Variants in TTC23 observed in about 807,000 individuals in gnomAD.
TTC23 encodes the protein tetratricopeptide repeat domain 23, also known as tetratricopeptide repeat protein 23.
Under a neutral mutation model 55.1 loss-of-function variants are expected in TTC23, and 58 were observed. That is an observed-to-expected ratio of 1.05 (90% CI 0.85 to 1.31). The LOEUF (loss-of-function observed/expected upper bound fraction) is 1.31, where lower values mean the gene tolerates loss of function less well. Among genes scored for constraint, TTC23 ranks in the 50% most tolerant of loss-of-function variants. The probability of loss-of-function intolerance (pLI) is 0.00; values close to 1 mark genes in which losing one functional copy is unlikely to be tolerated. For synonymous variants in TTC23, 203 were observed against 199.9 expected, an observed-to-expected ratio of 1.02 and a Z score of -0.13; for missense variants, 516 against 534.4, an observed-to-expected ratio of 0.97 and a Z score of 0.34.
At chr15:99,213,038 G>A (rs2077174491) in intron 8 of TTC23, among the ~76,000 whole-genome samples, 2 of 148,334 alleles carry the variant, frequency 1.3e-5, no homozygotes, top group African/African-American at 5.0e-5. Context: ...AGCGCTGCCT[G>A]AGAAATTATC....
intron 10 of TTC23, among the ~76,000 whole-genome samples, chr15:99,163,260 G>A (rs892698495): frequency 1.3e-5 from 2 of 152,192 alleles, no homozygotes; most frequent in Non-Finnish European, 2.9e-5. Context: ...TGATGAGAAG[G>A]ATTTTGCCTG....
intron 1 of TTC23, among the ~76,000 whole-genome samples, chr15:99,245,963 T>C (rs2080208317): frequency 6.6e-6 from 1 of 151,784 alleles, no homozygotes. Flanking sequence ...GGATTACAGG[T>C]GCCTACCACC....
At position 99,175,063 on chromosome 15, in the gene TTC23, T is replaced by C. The variant is rs763474814; in HGVS notation, c.852A>G (p.Arg284=). ...IVAHAAVASG[R]HEHHDVAEQY... Reference sequence around the variant, plus strand: ...GATTCTTCTCACCATGGTGCTCGTGTCTCCCTGAAGCGACAGCAGCATGGG... The same window carrying C: ...GATTCTTCTCACCATGGTGCTCGTGCCTCCCTGAAGCGACAGCAGCATGGG... Residue 284 remains arginine (R), a synonymous_variant, in exon 10 of 14, where the codon AGA becomes AGG. Coordinates refer to ENST00000394132, the MANE Select transcript of TTC23 (RefSeq NM_001288615.3). 6.2e-7 allele frequency: 1 copy of C among 1,613,938 alleles called. No individual in the cohort carries two copies. The highest frequency in any genetic ancestry group is 1.7e-5 in the Admixed American group (1 of 60,008).
At chr15:99,161,169 T>TATAC (rs2071329630) in intron 11 of TTC23, 1 of 151,812 alleles carries the variant, frequency 6.6e-6, no homozygotes. Flanking sequence ...CGATTGTATA[T>TATAC]ATATATATGT....
chr15:99,199,979 T>C lies in TTC23; in HGVS notation c.699A>G (p.Glu233=). 1 of 1,614,028 alleles carries C rather than the reference T, an allele frequency of 6.2e-7. No homozygotes were observed. The highest frequency in any genetic ancestry group is 8.5e-7 in the Non-Finnish European group (1 of 1,179,976). The change falls in exon 9 of 14, where the codon GAA becomes GAG. Residue 233 remains glutamate, a synonymous_variant. Transcript: ENST00000394132. ...TSRECVPILR[E]LAGVEQALGL... ...CCAGGGCTTGCTCTACACCTGCTAA[T>C]TCTCTCAATATGGGTACACACTCAC...
At chr15:99,142,803 C>T (rs1354755914) in intron 12 of TTC23, among the ~76,000 whole-genome samples, 1 of 152,170 alleles carries the variant, frequency 6.6e-6, no homozygotes, top group African/African-American at 2.4e-5. Context: ...CGTGTGCTCA[C>T]CATTTTCCCT....
intron 12 of TTC23, chr15:99,140,644 A>G (rs782327845): frequency 5.9e-5 from 9 of 152,222 alleles, no homozygotes; most frequent in Non-Finnish European, 1.0e-4. Flanking sequence ...TGCGGGGATT[A>G]TAGGAGTGAG....
At chr15:99,151,928 A>G (rs538708815) in intron 12 of TTC23, among the ~76,000 whole-genome samples, 80 of 152,188 alleles carry the variant, frequency 5.3e-4, no homozygotes, top group Non-Finnish European at 9.6e-4. Context: ...CGTCTCTCTC[A>G]GCCTCAGTTT....
In TTC23 at chr15:99,249,380, C is replaced by T. The variant is rs1319820715; in HGVS notation, c.-640G>A. ...CCAATCTCCAACTATGTCGTAAAAT[C>T]CCTTGCCAGTTTACCCAGTCTGCTG... On this transcript the variant is annotated 5_prime_UTR_variant, in exon 1 of 14. Coordinates refer to ENST00000394132, the MANE Select transcript of TTC23 (RefSeq NM_001288615.3). 6.6e-6 allele frequency: 1 copy of T among 152,180 alleles called. No individual in the cohort carries two copies. The highest frequency in any genetic ancestry group is 1.5e-5 in the Non-Finnish European group (1 of 68,030). The allele number at this position is 152,180 out of a possible 1,614,324, so 9.4% of individuals were successfully genotyped here.
At chr15:99,237,561 A>G (rs1475367011) in intron 3 of TTC23, among the ~76,000 whole-genome samples, 1 of 152,200 alleles carries the variant, frequency 6.6e-6, no homozygotes, top group African/African-American at 2.4e-5. Context: ...ACGTGATTCC[A>G]TTTATATAAA....
At chr15:99,220,554 C>A (rs1193553375) in intron 6 of TTC23, among the ~76,000 whole-genome samples, 2 of 152,064 alleles carry the variant, frequency 1.3e-5, no homozygotes, top group South Asian at 2.1e-4. Context: ...GGTGGGAGGG[C>A]AGAGTTTAAA....
At chr15:99,244,594 C>T (rs1192352485) in intron 2 of TTC23, among the ~76,000 whole-genome samples, 2 of 151,916 alleles carry the variant, frequency 1.3e-5, no homozygotes, top group Non-Finnish European at 2.9e-5. Flanking sequence ...AAAAGAAATA[C>T]AAGACTTGTA....
intron 12 of TTC23, chr15:99,140,523 CCA>C (rs1300178614): frequency 1.3e-5 from 2 of 152,082 alleles, no homozygotes; most frequent in Non-Finnish European, 2.9e-5. Context: ...GTGCCCGCCA[CCA>C]CACTCAGCTA....
intron 9 of TTC23, among the ~76,000 whole-genome samples, chr15:99,175,553 G>A (rs1181337176): frequency 8.5e-5 from 13 of 152,202 alleles, no homozygotes. Context: ...GGGACCTACC[G>A]GTGGGTGTCA....
At position 99,175,060 on chromosome 15, in the gene TTC23, G is replaced by C; in HGVS notation, c.855C>G (p.His285Gln). The C allele has an allele frequency of 6.2e-7, 1 of 1,614,028 alleles. No individual in the cohort carries two copies. Among genetic ancestry groups the C allele is most frequent in the South Asian group, 1.1e-5 (1 of 91,076 alleles). ...AAGGATTCTTCTCACCATGGTGCTC[G>C]TGTCTCCCTGAAGCGACAGCAGCAT... ...VAHAAVASGR[H>Q]EHHDVAEQYF... The change falls in exon 10 of 14, where the codon CAC becomes CAG. Residue 285 changes from histidine to glutamine, a missense_variant. Coordinates refer to ENST00000394132, the MANE Select transcript of TTC23 (RefSeq NM_001288615.3).
Position 99,221,748 on chromosome 15 carries a change from C to T in TTC23, c.297G>A (p.Gln99=), listed in dbSNP as rs1168901755. 1 of 1,614,012 alleles carries T rather than the reference C, an allele frequency of 6.2e-7. No homozygotes were observed. The highest frequency in any genetic ancestry group is 1.7e-5 in the Admixed American group (1 of 60,016). ...AHVNLAQGYL[Q]LKGLSLQAKQ... is the part of the protein sequence containing the mutation. ...AGTCTAAGGCGAGCTTACCTTTCAG[C>T]TGGAGGTAGCCTTGAGCCAGATTAA... The change falls in exon 6 of 14, where the codon CAG becomes CAA. Residue 99 remains glutamine (Q), a synonymous_variant. Transcript: ENST00000394132.
intron 5 of TTC23, among the ~76,000 whole-genome samples, chr15:99,224,602 A>G (rs961126632): frequency 2.0e-5 from 3 of 152,210 alleles, no homozygotes; most frequent in Non-Finnish European, 1.5e-5. Context: ...ATAGCTTTGC[A>G]CATACCCATA....
At chr15:99,213,944 G>A (rs140377422) in intron 8 of TTC23, among the ~76,000 whole-genome samples, 5 of 152,300 alleles carry the variant, frequency 3.3e-5, no homozygotes, top group African/African-American at 9.6e-5. Flanking sequence ...GTATGCAAAT[G>A]TTTAAATTTA....
rs551811582 is a variant in TTC23, at chr15:99,141,211, T to C, written c.1144-1812A>G. 2.6e-5 allele frequency among the ~76,000 whole-genome samples: 4 copies of C among 152,324 alleles called. No homozygotes were observed. The South Asian group carries it at 8.3e-4, about 32-fold the overall frequency. ...ATATGTAAACTGTGATATGTATATA[T>C]TATATATGTATGTGATATATAAATG... On this transcript the variant is annotated intron_variant, in intron 12 of 13. Transcript: ENST00000394132.
Sources: gnomAD v4.1 joint callset for allele counts (sites outside exome capture counted in the v4.1 genomes callset) on GRCh38, gnomAD v4.1.1 for gene constraint, MANE v1.5 for transcripts, NCBI Gene and HGNC (gene_info 2026-07-23, HGNC 2026-07-21) for gene names.